Variants in CFAP58 observed in about 807,000 individuals in gnomAD.
CFAP58 encodes cilia and flagella associated protein 58.
A neutral mutation model predicts 119.5 loss-of-function variants in CFAP58; 88 were observed. The observed-to-expected ratio is 0.74, with a 90% CI of 0.62 to 0.88. The LOEUF (loss-of-function observed/expected upper bound fraction) is 0.88, where lower values mean the gene tolerates loss of function less well. Among genes scored for constraint, CFAP58 ranks in the 40% least tolerant of loss-of-function variants. CFAP58 has a pLI of 0.00. For synonymous variants in CFAP58, 365 were observed against 366.3 expected (o/e 1.00, Z 0.04); for missense variants, 990 against 1,021.2 (o/e 0.97, Z 0.42).
intron 5 of CFAP58, among the ~76,000 whole-genome samples, chr10:104,367,168 A>AT (rs1357400823): frequency 1.3e-5 from 2 of 152,052 alleles, no homozygotes; most frequent in East Asian, 3.9e-4. Context: ...CGACAGGTTT[A>AT]TTTTTAAGTT....
intron 9 of CFAP58, among the ~76,000 whole-genome samples, chr10:104,389,705 C>T (rs145975468): frequency 2.6e-5 from 4 of 152,198 alleles, no homozygotes; most frequent in African/African-American, 7.2e-5. Context: ...TTCTATCATG[C>T]GTGCTTTTAC....
intron 1 of CFAP58, among the ~76,000 whole-genome samples, chr10:104,354,866 G>A (rs2014521071): frequency 1.3e-5 from 2 of 152,174 alleles, no homozygotes; most frequent in South Asian, 2.1e-4. Context: ...GCCAGCCCAA[G>A]CCCCATCATC....
chr10:104,405,177 C>T (rs550665476), intron 14 of CFAP58, among the ~76,000 whole-genome samples: 2 of 152,292 alleles, frequency 1.3e-5, no homozygotes, highest in South Asian at 4.1e-4. Flanking sequence ...GAATGTGTGC[C>T]AAATCTAGTC....
intron 2 of CFAP58, 43 bp downstream of exon 2, chr10:104,358,665 A>T: frequency 6.4e-7 from 1 of 1,569,056 alleles, no homozygotes; most frequent in Non-Finnish European, 8.7e-7. Context: ...AATTTAAAAC[A>T]TCATTCTCTC....
At chr10:104,453,210 A>C (rs2013222278) in intron 17 of CFAP58, among the ~76,000 whole-genome samples, 1 of 152,136 alleles carries the variant, frequency 6.6e-6, no homozygotes, top group African/African-American at 2.4e-5. Context: ...GAGCCAGACG[A>C]GTTGCCAAAG....
At chr10:104,406,847 C>T in intron 15 of CFAP58, 54 bp downstream of exon 15, 7 of 1,328,630 alleles carry the variant, frequency 5.3e-6, no homozygotes, top group Non-Finnish European at 7.6e-6. Context: ...CCACCATCTC[C>T]AGGACTACGT....
intron 15 of CFAP58, among the ~76,000 whole-genome samples, chr10:104,424,699 C>A (rs1287657296): frequency 6.6e-6 from 1 of 152,166 alleles, no homozygotes; most frequent in Non-Finnish European, 1.5e-5. Context: ...CTAAACACGA[C>A]ATTCTGGATA....
chr10:104,432,130 G>A (rs2012857029), intron 15 of CFAP58, among the ~76,000 whole-genome samples: 1 of 152,114 alleles, frequency 6.6e-6, no homozygotes, highest in Non-Finnish European at 1.5e-5. Context: ...AAGGAAAAGA[G>A]TGATAACTTT....
rs746251700 is a variant in CFAP58, at chr10:104,376,857, G to A, written c.1137G>A (p.Met379Ile). 1 of 1,613,668 alleles carries A rather than the reference G, an allele frequency of 6.2e-7. No homozygotes were observed. Among genetic ancestry groups the A allele is most frequent in the Admixed American group, 1.7e-5 (1 of 60,006 alleles). Residue 379 changes from methionine (M) to isoleucine (I), a missense_variant, in exon 8 of 18, where the codon ATG (methionine) becomes ATA (isoleucine). Coordinates refer to ENST00000369704, the MANE Select transcript of CFAP58 (RefSeq NM_001008723.2). ...KKQAELDRKA[M>I]DELLRERDIL... ...AAGCAGAACTTGACAGAAAGGCAAT[G>A]GACGAGCTTCTAAGAGAAAGGGACA...
At chr10:104,351,936 C>T (rs1261296357), upstream of CFAP58, 3 of 151,518 alleles carry the variant, frequency 2.0e-5, no homozygotes, top group Non-Finnish European at 4.4e-5. Context: ...ATCTGTAAAT[C>T]AAAAGAAAAA....
chr10:104,391,250 A>T (rs1261070835), intron 9 of CFAP58, among the ~76,000 whole-genome samples: 1 of 152,162 alleles, frequency 6.6e-6, no homozygotes, highest in Non-Finnish European at 1.5e-5. Flanking sequence ...ACTTCCTCAG[A>T]GATGTGGGCC....
chr10:104,368,453 G>C lies in CFAP58; in HGVS notation c.823G>C (p.Glu275Gln), dbSNP rs747232587. 8.7e-6 allele frequency: 14 copies of C among 1,613,854 alleles called. No homozygotes were observed. Among genetic ancestry groups the C allele is most frequent in the Admixed American group, 1.7e-5 (1 of 59,984 alleles). The change falls in exon 6 of 18, where the codon GAG becomes CAG. Residue 275 changes from glutamate (E) to glutamine (Q), a missense_variant. By Grantham distance (29) the Glu-to-Gln change is conservative. Transcript: ENST00000369704. ...ILNERAAKEL[E>Q]QFQMRNAKLQ... ...GAATGAGAGAGCTGCAAAGGAACTCGAGCAATTTCAGATGAGAAATGCTAA... is the reference window on the plus strand; with the variant it reads ...GAATGAGAGAGCTGCAAAGGAACTCCAGCAATTTCAGATGAGAAATGCTAA...
chr10:104,454,344 C>A, intron 17 of CFAP58, 78 bp from the exon 18 acceptor site: 2 of 1,141,830 alleles, frequency 1.8e-6, no homozygotes, highest in Admixed American at 1.9e-5. Context: ...CAGTGGCTAA[C>A]ACACCCTAGG....
At chr10:104,382,438 G>A in intron 9 of CFAP58, 1 of 471,482 alleles carries the variant, frequency 2.1e-6, no homozygotes, top group Non-Finnish European at 3.8e-6. Context: ...CACCATCAGA[G>A]CTAACTCTCA....
intron 6 of CFAP58, 41 bp from the exon 7 acceptor site, chr10:104,370,854 A>G (rs372503323): frequency 2.7e-5 from 42 of 1,568,892 alleles, no homozygotes; most frequent in Non-Finnish European, 3.4e-5. Flanking sequence ...CTGGCTCTTC[A>G]TTTACAAAGT....
intron 15 of CFAP58, among the ~76,000 whole-genome samples, chr10:104,412,800 A>G (rs1368709947): frequency 6.6e-6 from 1 of 152,164 alleles, no homozygotes; most frequent in Non-Finnish European, 1.5e-5. Flanking sequence ...CTCTAATCCC[A>G]GTGCCTGATA....
rs188405214 is a variant in CFAP58 at position 104,399,341 on chromosome 10, A to T, written c.1675-19A>T. 48 of 1,612,594 alleles carry T rather than the reference A, an allele frequency of 3.0e-5. No individual in the cohort carries two copies. The African/African-American group carries it at 6.4e-4, about 22-fold the overall frequency. On this transcript the variant is annotated intron_variant, in intron 11 of 17. Transcript: ENST00000369704. ...CTGTAACGAATTGAAATTTGCCTGT[A>T]TCTTCCACTCTTTGTCAGGCTGAGC...
chr10:104,420,668 GT>G (rs1272272886), intron 15 of CFAP58, among the ~76,000 whole-genome samples: 1 of 151,284 alleles, frequency 6.6e-6, no homozygotes, highest in African/African-American at 2.4e-5. Context: ...AAAAAGAGTG[GT>G]TTTCAAAAGG....
At chr10:104,411,200 A>G (rs1335836896) in intron 15 of CFAP58, among the ~76,000 whole-genome samples, 1 of 152,176 alleles carries the variant, frequency 6.6e-6, no homozygotes, top group Non-Finnish European at 1.5e-5. Context: ...TTGGCCTCCC[A>G]AAGTGTTAAT....
Sources: gnomAD v4.1 joint callset for allele counts (sites outside exome capture counted in the v4.1 genomes callset) on GRCh38, gnomAD v4.1.1 for gene constraint, MANE v1.5 for transcripts, NCBI Gene and HGNC (gene_info 2026-07-23, HGNC 2026-07-21) for gene names.